The following R3HCC1L variants were observed in gnomAD, a reference collection of about 807,000 sequenced individuals.
R3HCC1L encodes the protein coiled-coil domain-containing protein R3HCC1L.
In R3HCC1L, 51 loss-of-function variants were observed where a neutral mutation model predicts 59.9. The observed-to-expected ratio is 0.85, with a 90% confidence interval of 0.68 to 1.07. The LOEUF (loss-of-function observed/expected upper bound fraction) is 1.07. R3HCC1L is among the 50% of genes least tolerant of loss of function. The probability of loss-of-function intolerance (pLI) is 0.00; values close to 1 mark genes in which losing one functional copy is unlikely to be tolerated. For synonymous variants in R3HCC1L, 322 were observed against 315.2 expected, an observed-to-expected ratio of 1.02 and a Z score of -0.23; for missense variants, 965 against 933.0, an observed-to-expected ratio of 1.03 and a Z score of -0.45.
intron 4 of R3HCC1L, among the ~76,000 whole-genome samples, chr10:98,192,600 G>C (rs1320070333): frequency 6.6e-6 from 1 of 152,072 alleles, no homozygotes; most frequent in Non-Finnish European, 1.5e-5. Flanking sequence ...TGAAGAAATA[G>C]AAAATCTGAG....
chr10:98,200,634 C>T (rs1419988205), intron 4 of R3HCC1L, among the ~76,000 whole-genome samples: 2 of 151,902 alleles, frequency 1.3e-5, no homozygotes, highest in East Asian at 1.9e-4. Context: ...AATAGACTTC[C>T]GTCGGCACTG....
At chr10:98,159,926 G>A (rs1011374693) in intron 2 of R3HCC1L, among the ~76,000 whole-genome samples, 4 of 152,174 alleles carry the variant, frequency 2.6e-5, no homozygotes, top group Non-Finnish European at 4.4e-5. Context: ...TGGGAAATAG[G>A]TATATGTGAG....
chr10:98,209,870 G>T lies in R3HCC1L; in HGVS notation c.1756G>T (p.Asp586Tyr). ...SWESMFNDDG[D>Y]CLDPRLLQEL... ...GGAGTCTATGTTTAACGATGATGGT[G>T]ACTGCCTGGATCCACGTCTTCTACA... The change falls in exon 5 of 10, where the codon GAC becomes TAC. Residue 586 changes from aspartate to tyrosine, a missense_variant. Asp to Tyr is a radical substitution (Grantham distance 160, BLOSUM62 -3). Transcript: ENST00000298999. 1 of 1,612,962 alleles carries T rather than the reference G, an allele frequency of 6.2e-7. No individual in the cohort carries two copies. The highest frequency in any genetic ancestry group is 1.1e-5 in the South Asian group (1 of 90,896).
At chr10:98,221,770 T>C (rs369295634) in intron 5 of R3HCC1L, among the ~76,000 whole-genome samples, 4 of 152,250 alleles carry the variant, frequency 2.6e-5, no homozygotes, top group African/African-American at 9.6e-5. Flanking sequence ...CATGCTGTTT[T>C]GGTTACTGTA....
At chr10:98,200,108 G>C (rs1438120004) in intron 4 of R3HCC1L, among the ~76,000 whole-genome samples, 1 of 151,982 alleles carries the variant, frequency 6.6e-6, no homozygotes, top group East Asian at 1.9e-4. Context: ...TTGTTGAGTG[G>C]TTTGATTCTG....
In R3HCC1L at chr10:98,186,549, C is replaced by T. The variant is rs565576852; in HGVS notation, c.-14-21552C>T. On this transcript the variant is annotated intron_variant, in intron 4 of 9. Coordinates refer to ENST00000298999, the MANE Select transcript of R3HCC1L (RefSeq NM_001351015.2). ...TAGAGTGTTCAAGTCTTCTGAGACT[C>T]CAGAGTCACCTAAGGTAGTGACCAT... The T allele has an allele frequency of 1.1e-5, 11 of 966,692 alleles. No individual in the cohort carries two copies. In the South Asian group the frequency reaches 4.3e-4, roughly 38 times the overall value. The allele number at this position is 966,692 out of a possible 1,614,324, so 59.9% of individuals were successfully genotyped here.
intron 5 of R3HCC1L, among the ~76,000 whole-genome samples, chr10:98,215,333 T>C (rs1334929952): frequency 6.6e-6 from 1 of 152,194 alleles, no homozygotes; most frequent in Non-Finnish European, 1.5e-5. Context: ...TAGAAAAAAC[T>C]TTGACACAGT....
chr10:98,231,471 G>A (rs1339650687), intron 5 of R3HCC1L, 41 bp from the exon 6 acceptor site: 2 of 1,563,898 alleles, frequency 1.3e-6, no homozygotes, highest in Admixed American at 3.7e-5. Flanking sequence ...CAATAACCAG[G>A]TTTAATGTAA....
chr10:98,171,299 G>A (rs1283514927), intron 4 of R3HCC1L, among the ~76,000 whole-genome samples: 1 of 151,984 alleles, frequency 6.6e-6, no homozygotes, highest in African/African-American at 2.4e-5. Flanking sequence ...AATCCCTTTC[G>A]GTAAGTCTAA....
chr10:98,208,272 A>G lies in R3HCC1L; in HGVS notation c.158A>G (p.Glu53Gly), dbSNP rs1231751108. The G allele has an allele frequency of 2.5e-6, 4 of 1,614,044 alleles. No individual in the cohort carries two copies. The highest frequency in any genetic ancestry group is 2.5e-6 in the Non-Finnish European group (3 of 1,180,016). Residue 53 changes from glutamate to glycine, a missense_variant, in exon 5 of 10, where the codon GAA (glutamate) becomes GGA (glycine). Glu to Gly is a moderately conservative substitution (Grantham distance 98, BLOSUM62 -2). Transcript: ENST00000298999. ...TCTGTGGTGAAAGAAAAGCAAAAAG[A>G]AAGTTCTCTCTCCCAAAAAGAAGTC... The part of the protein sequence containing the change: ...PNSVVKEKQK[E>G]SSLSQKEVFK...
intron 4 of R3HCC1L, among the ~76,000 whole-genome samples, chr10:98,204,704 C>T (rs570192489): frequency 6.6e-6 from 1 of 152,166 alleles, no homozygotes. Flanking sequence ...TGAGAGACCA[C>T]ATTCACGTAA....
rs1050817848 is a variant in R3HCC1L, at chr10:98,187,233, T to C, written c.-14-20868T>C. Among the ~76,000 whole-genome samples, 4 of 152,198 alleles carry C rather than the reference T, an allele frequency of 2.6e-5. No homozygotes were observed. The South Asian group carries it at 6.2e-4, about 24-fold the overall frequency. ...TTTTTTTTTTTGAATATTTGCATTA[T>C]ATTTAACAGTTGAGAATCCCTAACC... On this transcript the variant is annotated intron_variant, in intron 4 of 9. Coordinates refer to ENST00000298999, the MANE Select transcript of R3HCC1L (RefSeq NM_001351015.2).
chr10:98,229,745 G>C (rs1856132729), intron 5 of R3HCC1L, among the ~76,000 whole-genome samples: 1 of 152,082 alleles, frequency 6.6e-6, no homozygotes, highest in Non-Finnish European at 1.5e-5. Flanking sequence ...ATTATTTTGA[G>C]ATACGTCCCA....
chr10:98,241,203 C>T (rs916336057), intron 9 of R3HCC1L, among the ~76,000 whole-genome samples: 2 of 152,050 alleles, frequency 1.3e-5, no homozygotes, highest in Admixed American at 6.6e-5. Context: ...TTTGACCAGA[C>T]GCGTTCTTCA....
intron 1 of R3HCC1L, among the ~76,000 whole-genome samples, chr10:98,134,929 G>C (rs1844389297): frequency 6.6e-6 from 1 of 152,174 alleles, no homozygotes; most frequent in Admixed American, 6.5e-5. Flanking sequence ...GGACCCTCCC[G>C]GGGCTCTTTT....
chr10:98,209,575 G>C lies in R3HCC1L; in HGVS notation c.1461G>C (p.Leu487Phe), dbSNP rs1853291199. 2 of 1,613,674 alleles carry C rather than the reference G, an allele frequency of 1.2e-6. No individual in the cohort carries two copies. Among genetic ancestry groups the C allele is most frequent in the South Asian group, 2.2e-5 (2 of 91,076 alleles). The part of the protein sequence containing the change: ...KIAGSNYNTF[L>F]DSELSMLNGT... ...CTGGTAGTAATTATAACACTTTTTT[G>C]GACTCTGAACTCAGTATGTTAAATG... The change falls in exon 5 of 10, where the codon TTG becomes TTC. Residue 487 changes from leucine to phenylalanine, a missense_variant. Leu to Phe is a conservative substitution (Grantham distance 22, BLOSUM62 0). Coordinates refer to ENST00000298999, the MANE Select transcript of R3HCC1L (RefSeq NM_001351015.2).
chr10:98,236,548 T>C (rs528280909), intron 9 of R3HCC1L, among the ~76,000 whole-genome samples: 1 of 152,302 alleles, frequency 6.6e-6, no homozygotes, highest in South Asian at 2.1e-4. Context: ...CCTAATGTTA[T>C]CAAATGGTTT....
chr10:98,214,903 G>A (rs1435026045), intron 5 of R3HCC1L, among the ~76,000 whole-genome samples: 4 of 152,106 alleles, frequency 2.6e-5, no homozygotes, highest in South Asian at 2.1e-4. Flanking sequence ...TTGATTTAGC[G>A]GTCTAGTCTA....
chr10:98,201,237 A>G (rs1441564906), intron 4 of R3HCC1L, among the ~76,000 whole-genome samples: 2 of 152,210 alleles, frequency 1.3e-5, no homozygotes, highest in African/African-American at 2.4e-5. Flanking sequence ...GAATCTTAAC[A>G]TTCAAGATAT....
Sources: gnomAD v4.1 joint callset for allele counts (sites outside exome capture counted in the v4.1 genomes callset) on GRCh38, gnomAD v4.1.1 for gene constraint, MANE v1.5 for transcripts, NCBI Gene and HGNC (gene_info 2026-07-23, HGNC 2026-07-21) for gene names.